Variants in RBFOX1 observed in about 807,000 individuals in gnomAD.
RBFOX1 encodes RNA binding fox-1 homolog 1, also known as RNA binding protein fox-1 homolog 1.
In RBFOX1, 8 loss-of-function variants were observed where a neutral mutation model predicts 57.7. The observed-to-expected ratio is 0.14, with a 90% CI of 0.08 to 0.25. The LOEUF (loss-of-function observed/expected upper bound fraction) is 0.25, where lower values mean the gene tolerates loss of function less well. Ranked by LOEUF, RBFOX1 falls within the 10% of genes least tolerant of loss-of-function variation. The probability of loss-of-function intolerance (pLI) is 1.00; values close to 1 mark genes in which losing one functional copy is unlikely to be tolerated. For missense variants in RBFOX1, 611 were observed against 548.5 expected (o/e 1.11, Z -1.14); for synonymous variants, 326 against 222.4 (o/e 1.47, Z -4.15).
intron 1 of RBFOX1, among the ~76,000 whole-genome samples, chr16:5,397,666 G>T (rs2066598981): frequency 6.6e-6 from 1 of 152,202 alleles, no homozygotes; most frequent in African/African-American, 2.4e-5. Context: ...GTTTAAAAGA[G>T]ACTTAAGAGA....
intron 4 of RBFOX1, among the ~76,000 whole-genome samples, chr16:7,281,221 T>C (rs1476408335): frequency 2.0e-5 from 3 of 151,936 alleles, no homozygotes; most frequent in Non-Finnish European, 2.9e-5. Flanking sequence ...CAAGCTGGTC[T>C]CAGACTCCTG....
chr16:6,953,103 G>A (rs568319552), intron 3 of RBFOX1, among the ~76,000 whole-genome samples: 2 of 152,270 alleles, frequency 1.3e-5, no homozygotes, highest in East Asian at 3.9e-4. Context: ...AAGAAGGCTT[G>A]AAGGTCTGCG....
intron 4 of RBFOX1, among the ~76,000 whole-genome samples, chr16:7,349,261 G>T (rs138412023): frequency 2.0e-5 from 3 of 152,234 alleles, no homozygotes; most frequent in Non-Finnish European, 4.4e-5. Flanking sequence ...TGGAGACTGG[G>T]AGACCAACCA....
chr16:7,519,728 T>A, intron 5 of RBFOX1: 4 of 984,838 alleles, frequency 4.1e-6, no homozygotes, highest in Non-Finnish European at 4.8e-6. Context: ...CAATTCTGCC[T>A]CTTCGTCCTG....
At chr16:5,939,536 C>T (rs1325588906) in intron 4 of RBFOX1, among the ~76,000 whole-genome samples, 1 of 152,150 alleles carries the variant, frequency 6.6e-6, no homozygotes, top group African/African-American at 2.4e-5. Context: ...TGGCTGCTGG[C>T]CGCCCTTCAG....
chr16:7,156,077 G>A (rs563729466), intron 4 of RBFOX1, among the ~76,000 whole-genome samples: 1 of 151,986 alleles, frequency 6.6e-6, no homozygotes, highest in African/African-American at 2.4e-5. Flanking sequence ...TCACCATGTT[G>A]CTCAGGGTGG....
At chr16:7,680,977 C>G (rs965536725) in intron 14 of RBFOX1, among the ~76,000 whole-genome samples, 2 of 152,094 alleles carry the variant, frequency 1.3e-5, no homozygotes, top group Non-Finnish European at 2.9e-5. Flanking sequence ...AAGCTTAATG[C>G]AAAGAGACCA....
intron 3 of RBFOX1, among the ~76,000 whole-genome samples, chr16:5,623,163 A>G (rs2048249587): frequency 6.6e-6 from 1 of 152,184 alleles, no homozygotes; most frequent in Non-Finnish European, 1.5e-5. Context: ...GAAAGCCACC[A>G]GTGAAGTGAG....
chr16:5,365,029 G>A (rs971328291), intron 1 of RBFOX1, among the ~76,000 whole-genome samples: 6 of 152,170 alleles, frequency 3.9e-5, no homozygotes, highest in Non-Finnish European at 8.8e-5. Flanking sequence ...ATTTGAATGC[G>A]AAAGACTTAT....
intron 3 of RBFOX1, among the ~76,000 whole-genome samples, chr16:6,946,259 G>T (rs2079494984): frequency 6.6e-6 from 1 of 152,196 alleles, no homozygotes; most frequent in African/African-American, 2.4e-5. Context: ...CATCCTTGTA[G>T]TACAACAATA....
intron 3 of RBFOX1, among the ~76,000 whole-genome samples, chr16:6,871,913 G>GTGTGTGTGTC (rs1455258229): frequency 0.018 from 354 of 19,812 alleles, no homozygotes; most frequent in Non-Finnish European, 0.012. Context: ...GAGAGAGTCT[G>GTGTGTGTGTC]TGTGTGTGTG....
intron 1 of RBFOX1, among the ~76,000 whole-genome samples, chr16:6,264,560 G>C (rs2097721610): frequency 6.6e-6 from 1 of 152,062 alleles, no homozygotes; most frequent in African/African-American, 2.4e-5. Context: ...TACAGCCACA[G>C]GGCCCTTCTC....
At chr16:7,700,409 G>T (rs543718001) in intron 14 of RBFOX1, among the ~76,000 whole-genome samples, 2 of 152,128 alleles carry the variant, frequency 1.3e-5, no homozygotes, top group Admixed American at 6.6e-5. Flanking sequence ...TTAGCAAGAA[G>T]TAACAGTCAG....
At chr16:6,980,460 CTTA>C (rs879704619) in intron 3 of RBFOX1, among the ~76,000 whole-genome samples, 2 of 152,120 alleles carry the variant, frequency 1.3e-5, no homozygotes, top group Non-Finnish European at 2.9e-5. Flanking sequence ...AACTTGTCTT[CTTA>C]TGTTGAAATT....
intron 2 of RBFOX1, among the ~76,000 whole-genome samples, chr16:6,387,503 G>T (rs1276394916): frequency 6.6e-6 from 1 of 151,296 alleles, no homozygotes; most frequent in African/African-American, 2.4e-5. Flanking sequence ...GAAGAGAGAG[G>T]TGTAAAAAAA....
At chr16:6,158,730 A>G (rs1207103361) in intron 1 of RBFOX1, among the ~76,000 whole-genome samples, 1 of 152,212 alleles carries the variant, frequency 6.6e-6, no homozygotes, top group Non-Finnish European at 1.5e-5. Flanking sequence ...TGACAGAAGT[A>G]AACGGTCCAA....
At chr16:5,360,227 G>A (rs988605253) in intron 1 of RBFOX1, among the ~76,000 whole-genome samples, 3 of 152,224 alleles carry the variant, frequency 2.0e-5, no homozygotes, top group African/African-American at 7.2e-5. Flanking sequence ...GGCTAGCTCT[G>A]TGTGCTGCTG....
intron 1 of RBFOX1, among the ~76,000 whole-genome samples, chr16:5,431,820 T>A (rs865795482): frequency 6.6e-6 from 1 of 152,198 alleles, no homozygotes; most frequent in Non-Finnish European, 1.5e-5. Context: ...CAACACCCAG[T>A]GCTGTTTGTC....
At chr16:7,223,781 A>C (rs1299906537) in intron 4 of RBFOX1, among the ~76,000 whole-genome samples, 1 of 151,152 alleles carries the variant, frequency 6.6e-6, no homozygotes, top group African/African-American at 2.4e-5. Flanking sequence ...TTTTGTTTTC[A>C]TTTCTGTCTG....
Sources: gnomAD v4.1 joint callset for allele counts (sites outside exome capture counted in the v4.1 genomes callset) on GRCh38, gnomAD v4.1.1 for gene constraint, MANE v1.5 for transcripts, NCBI Gene and HGNC (gene_info 2026-07-23, HGNC 2026-07-21) for gene names.